The following PDE4D variants were observed in gnomAD, a reference collection of about 807,000 sequenced individuals.
The protein encoded by PDE4D is 3',5'-cyclic-AMP phosphodiesterase 4D.
Under a neutral mutation model 87.4 loss-of-function variants are expected in PDE4D, and 24 were observed. The observed-to-expected ratio is 0.27, with a 90% CI of 0.20 to 0.39. The LOEUF (loss-of-function observed/expected upper bound fraction) is 0.39. Ranked by LOEUF, PDE4D falls within the 10% of genes least tolerant of loss-of-function variation. The pLI is 1.00. For synonymous variants in PDE4D, 384 were observed against 383.2 expected, an observed-to-expected ratio of 1.00 and a Z score of -0.02; for missense variants, 714 against 1,041.0, an observed-to-expected ratio of 0.69 and a Z score of 4.32.
chr5:59,336,599 C>G (rs1777695460), intron 1 of PDE4D, among the ~76,000 whole-genome samples: 1 of 152,204 alleles, frequency 6.6e-6, no homozygotes, highest in African/African-American at 2.4e-5. Flanking sequence ...AAACTGCTTA[C>G]TCACATGACC....
chr5:59,531,138 C>T (rs1045179064), intron 1 of PDE4D, among the ~76,000 whole-genome samples: 1 of 152,198 alleles, frequency 6.6e-6, no homozygotes, highest in African/African-American at 2.4e-5. Flanking sequence ...ACACATGGTT[C>T]CCAGGTGAAG....
chr5:60,134,447 C>T (rs1779856271), intron 2 of PDE4D, among the ~76,000 whole-genome samples: 1 of 152,178 alleles, frequency 6.6e-6, no homozygotes, highest in Non-Finnish European at 1.5e-5. Flanking sequence ...TAAGGCTGCA[C>T]TGAGCTACAA....
At position 59,181,543 on chromosome 5, in the gene PDE4D, GATATATATATATAT is replaced by G. The variant is rs3061466; in HGVS notation, c.759-913_759-900del. 2.5e-5 allele frequency among the ~76,000 whole-genome samples: 3 copies of G among 118,940 alleles called. 1 individual carries two copies. Among genetic ancestry groups the G allele is most frequent in the African/African-American group, 1.1e-4 (3 of 26,386 alleles). The allele number at this position is 118,940 out of a possible 152,430, so 78.0% of individuals were successfully genotyped here. A position where few individuals can be genotyped will look rare whatever the true frequency, so the allele number is the denominator to read the frequency against. ...CTTTTAGATACATTCAAAGATGTCT[GATATATATATATAT>G]ATATATATATATATTAGGTATATAA... On this transcript the variant is annotated intron_variant, in intron 4 of 14. Coordinates refer to ENST00000340635, the MANE Select transcript of PDE4D (RefSeq NM_001104631.2).
At chr5:60,074,922 A>G (rs1020720478) in intron 2 of PDE4D, among the ~76,000 whole-genome samples, 1 of 152,134 alleles carries the variant, frequency 6.6e-6, no homozygotes, top group Admixed American at 6.6e-5. Context: ...GGTCTCTTGA[A>G]GACAGCATAC....
At chr5:59,569,281 G>A (rs941850193) in intron 1 of PDE4D, among the ~76,000 whole-genome samples, 12 of 151,966 alleles carry the variant, frequency 7.9e-5, no homozygotes, top group African/African-American at 2.7e-4. Context: ...TGTTAAAATT[G>A]CTAAACATAT....
At chr5:59,572,303 C>T (rs143698673) in intron 1 of PDE4D, among the ~76,000 whole-genome samples, 2,644 of 152,266 alleles carry the variant, frequency 0.017, 86 homozygotes, top group African/African-American at 0.06. Context: ...AGTGAGAATG[C>T]TGTGCTTTTA....
chr5:59,520,565 T>C (rs1812016216), intron 1 of PDE4D, among the ~76,000 whole-genome samples: 1 of 151,978 alleles, frequency 6.6e-6, no homozygotes, highest in South Asian at 2.1e-4. Flanking sequence ...GAGGTTCACA[T>C]TAGAATGGAT....
At chr5:59,645,401 C>T (rs1742284761) in intron 1 of PDE4D, among the ~76,000 whole-genome samples, 1 of 152,210 alleles carries the variant, frequency 6.6e-6, no homozygotes, top group Non-Finnish European at 1.5e-5. Context: ...TGTCTACGTA[C>T]TGATTTTGCC....
chr5:59,172,845 C>T (rs1394264193), intron 5 of PDE4D: 1 of 151,878 alleles, frequency 6.6e-6, no homozygotes, highest in African/African-American at 2.4e-5. Context: ...ACCTCCAGAG[C>T]GTATGCATGC....
rs140125574 is a variant in PDE4D at position 60,102,982 on chromosome 5, A to C, written c.42+82575T>G. Reference sequence around the variant, plus strand: ...TTTTACTAAAGAAGAAATGACAAAAAAAAAAAAACAGAAAACAGAAAAAAC... The same window carrying C: ...TTTTACTAAAGAAGAAATGACAAAACAAAAAAAACAGAAAACAGAAAAAAC... On this transcript the variant is annotated intron_variant, in intron 2 of 16. Coordinates refer to the PDE4D transcript ENST00000502484. 2.6e-3 allele frequency among the ~76,000 whole-genome samples: 393 copies of C among 152,140 alleles called. 3 individuals carry two copies. The East Asian group carries it at 0.041, about 16-fold the overall frequency.
intron 1 of PDE4D, among the ~76,000 whole-genome samples, chr5:59,244,451 C>T (rs1373970224): frequency 6.7e-6 from 1 of 149,062 alleles, no homozygotes; most frequent in Non-Finnish European, 1.5e-5. Context: ...TATACACACA[C>T]ATATATATAT....
intron 1 of PDE4D, among the ~76,000 whole-genome samples, chr5:59,400,589 G>T (rs1234055612): frequency 2.3e-5 from 3 of 130,530 alleles, no homozygotes; most frequent in Non-Finnish European, 3.2e-5. Flanking sequence ...GCTGTGGGGT[G>T]GGGGGAGGGG....
At chr5:60,332,842 G>C (rs959198015) in intron 1 of PDE4D, among the ~76,000 whole-genome samples, 2 of 152,194 alleles carry the variant, frequency 1.3e-5, no homozygotes, top group Non-Finnish European at 2.9e-5. Context: ...TCATCGAAAA[G>C]TCAGAAGCAG....
chr5:59,634,078 T>G (rs1232980207), intron 1 of PDE4D, among the ~76,000 whole-genome samples: 1 of 151,434 alleles, frequency 6.6e-6, no homozygotes, highest in Non-Finnish European at 1.5e-5. Context: ...AAAAAAGGTG[T>G]TGTAATCCTA....
At chr5:59,971,680 T>G (rs981907305) in intron 3 of PDE4D, among the ~76,000 whole-genome samples, 12 of 152,274 alleles carry the variant, frequency 7.9e-5, no homozygotes, top group African/African-American at 2.9e-4. Flanking sequence ...ACTACCCTCC[T>G]TTTGTTATCT....
rs750925722 is a variant in PDE4D at position 58,975,654 on chromosome 5, T to G, written c.2013+3A>C. On this transcript the variant is annotated splice_donor_region_variant and intron_variant, in intron 14 of 14. Transcript: ENST00000340635. The surrounding 1 kb of genome is among the most constrained non-coding windows in gnomAD (Gnocchi z 4.2). ...TCTGAAAGCTATACACTTCATGCAT[T>G]ACCTGTGATTTTTCCACGGAAGCAT... 13 of 1,587,656 alleles carry G rather than the reference T, an allele frequency of 8.2e-6. No homozygotes were observed. Among genetic ancestry groups the G allele is most frequent in the Non-Finnish European group, 1.1e-5 (13 of 1,166,202 alleles).
intron 1 of PDE4D, among the ~76,000 whole-genome samples, chr5:59,823,306 T>C (rs1225496022): frequency 6.6e-6 from 1 of 152,166 alleles, no homozygotes; most frequent in Non-Finnish European, 1.5e-5. Context: ...TAAAGCAATT[T>C]CCCCCACATT....
chr5:60,159,788 A>G (rs1239347879), intron 2 of PDE4D, among the ~76,000 whole-genome samples: 1 of 152,188 alleles, frequency 6.6e-6, no homozygotes, highest in Non-Finnish European at 1.5e-5. Context: ...TTCCTCTTGC[A>G]TTGACTTCTT....
intron 3 of PDE4D, among the ~76,000 whole-genome samples, chr5:59,942,201 G>A (rs145883862): frequency 1.8e-4 from 27 of 152,292 alleles, no homozygotes; most frequent in African/African-American, 6.5e-4. Context: ...CATTTCCAGA[G>A]GATTTAAGTG....
Sources: gnomAD v4.1 joint callset for allele counts (sites outside exome capture counted in the v4.1 genomes callset) on GRCh38, gnomAD v4.1.1 for gene constraint, Gnocchi (gnomAD v3.1) non-coding constraint, MANE v1.5 for transcripts, NCBI Gene and HGNC (gene_info 2026-07-23, HGNC 2026-07-21) for gene names.